Variants in NELL1 observed in about 807,000 individuals in gnomAD.
NELL1 encodes the protein neural EGFL like 1, also known as protein kinase C-binding protein NELL1.
A neutral mutation model predicts 107.4 loss-of-function variants in NELL1; 76 were observed. The ratio of observed to expected loss-of-function variants is 0.71; its 90% CI spans 0.59 to 0.86. The LOEUF (loss-of-function observed/expected upper bound fraction) is 0.86. NELL1 is among the 40% of genes least tolerant of loss of function. NELL1 has a pLI of 0.00. For synonymous variants in NELL1, 353 were observed against 341.2 expected, an observed-to-expected ratio of 1.03 and a Z score of -0.38; for missense variants, 1,024 against 1,005.5, an observed-to-expected ratio of 1.02 and a Z score of -0.25.
intron 15 of NELL1, among the ~76,000 whole-genome samples, chr11:21,450,753 C>T (rs1255834138): frequency 1.3e-5 from 2 of 151,890 alleles, no homozygotes; most frequent in African/African-American, 2.4e-5. Context: ...CTCACTTCTA[C>T]CTCTATTATT....
At chr11:21,270,113 AAAG>A (rs1243182984) in intron 14 of NELL1, among the ~76,000 whole-genome samples, 1 of 152,118 alleles carries the variant, frequency 6.6e-6, no homozygotes, top group African/African-American at 2.4e-5. Flanking sequence ...AAAACCTCAA[AAAG>A]AAGACAAAGA....
At chr11:21,128,353 T>C (rs571381715) in intron 13 of NELL1, among the ~76,000 whole-genome samples, 1 of 152,208 alleles carries the variant, frequency 6.6e-6, no homozygotes, top group African/African-American at 2.4e-5. Context: ...TGAATTAGCA[T>C]TTTTCCCCCC....
In NELL1 at chr11:20,705,977, C is replaced by T. The variant is rs985417643; in HGVS notation, c.184+27917C>T. Among the ~76,000 whole-genome samples the T allele has an allele frequency of 2.6e-5, 4 of 152,168 alleles. No homozygotes were observed. The East Asian group carries it at 5.8e-4, about 22-fold the overall frequency. ...AAAACCACAATGAGATACCGTCTCA[C>T]ACCAGTTAGAATGGCGATTATTAAA... On this transcript the variant is annotated intron_variant, in intron 2 of 19. Transcript: ENST00000357134.
chr11:20,966,416 C>G (rs1397432757), intron 12 of NELL1, among the ~76,000 whole-genome samples: 1 of 152,122 alleles, frequency 6.6e-6, no homozygotes, highest in African/African-American at 2.4e-5. Flanking sequence ...GACAAACATT[C>G]AAACCATAGT....
intron 15 of NELL1, among the ~76,000 whole-genome samples, chr11:21,487,477 A>AAAAAC (rs112629038): frequency 6.6e-6 from 1 of 151,900 alleles, no homozygotes; most frequent in African/African-American, 2.4e-5. Flanking sequence ...GGAAGCAAAA[A>AAAAAC]AACATTTACC....
At chr11:21,534,817 C>T (rs1170065318) in intron 16 of NELL1, among the ~76,000 whole-genome samples, 1 of 151,948 alleles carries the variant, frequency 6.6e-6, no homozygotes, top group Non-Finnish European at 1.5e-5. Context: ...TGATGACTTG[C>T]TGAAATTTTT....
rs1365478537 is a variant in NELL1, at chr11:21,484,027, A to G, written c.1646-50347A>G. 1.2e-4 allele frequency among the ~76,000 whole-genome samples: 15 copies of G among 123,088 alleles called. No individual in the cohort carries two copies. The East Asian group carries it at 4.1e-3, about 34-fold the overall frequency. The allele number at this position is 123,088 out of a possible 152,430, so 80.8% of individuals were successfully genotyped here. A position where few individuals can be genotyped will look rare whatever the true frequency, so the allele number is the denominator to read the frequency against. ...TATATATATATATATATATATATAT[A>G]TATATGTCAAATGTGACCTCATTAT... On this transcript the variant is annotated intron_variant, in intron 15 of 19. Transcript: ENST00000357134.
At chr11:20,869,857 A>G (rs1220521164) in intron 4 of NELL1, among the ~76,000 whole-genome samples, 2 of 152,212 alleles carry the variant, frequency 1.3e-5, no homozygotes, top group East Asian at 3.8e-4. Flanking sequence ...ATCTTCCTGC[A>G]TACTTTTGTG....
rs191691980 is a variant in NELL1 at position 21,490,988 on chromosome 11, A to G, written c.1646-43386A>G. On this transcript the variant is annotated intron_variant, in intron 15 of 19. Transcript: ENST00000357134. ...CTGAAAAGCTTCTATACAGCAAAAG[A>G]AACAATCAACAGAGTGAAAGACAAT... Among the ~76,000 whole-genome samples the G allele has an allele frequency of 1.1e-3, 171 of 152,288 alleles. 3 individuals are homozygous for G. The highest frequency in any genetic ancestry group is 4.0e-3 in the African/African-American group (167 of 41,572).
intron 2 of NELL1, among the ~76,000 whole-genome samples, chr11:20,738,928 G>A (rs1190596046): frequency 6.6e-6 from 1 of 152,212 alleles, no homozygotes; most frequent in Non-Finnish European, 1.5e-5. Context: ...GCAAGTCATT[G>A]AGGTGTTAGA....
chr11:21,377,986 A>G (rs993793028), intron 15 of NELL1, among the ~76,000 whole-genome samples: 1 of 152,026 alleles, frequency 6.6e-6, no homozygotes, highest in Non-Finnish European at 1.5e-5. Context: ...GATGTTTAAC[A>G]TCATCCCTGG....
chr11:21,403,605 T>TC (rs1467838478), intron 15 of NELL1, among the ~76,000 whole-genome samples: 6 of 68,152 alleles, frequency 8.8e-5, no homozygotes, highest in African/African-American at 3.3e-4. Flanking sequence ...CTGTAGCTCT[T>TC]CAAAAAAAAA....
chr11:20,841,164 G>A (rs1038856177), intron 3 of NELL1, among the ~76,000 whole-genome samples: 1 of 152,110 alleles, frequency 6.6e-6, no homozygotes, highest in Admixed American at 6.6e-5. Flanking sequence ...TCTGCTCCAT[G>A]AAGTCATTTA....
At chr11:21,395,044 T>C (rs1340459031) in intron 15 of NELL1, among the ~76,000 whole-genome samples, 2 of 151,512 alleles carry the variant, frequency 1.3e-5, no homozygotes, top group African/African-American at 4.8e-5. Flanking sequence ...TTTGAGAGAC[T>C]GAAAGTAAAT....
At chr11:21,353,583 A>C (rs948931428) in intron 14 of NELL1, among the ~76,000 whole-genome samples, 3 of 152,172 alleles carry the variant, frequency 2.0e-5, no homozygotes, top group South Asian at 4.1e-4. Flanking sequence ...GATATAGCTA[A>C]ACATCTAGAA....
At position 21,312,777 on chromosome 11, in the gene NELL1, T is replaced by TA. The variant is rs566000753; in HGVS notation, c.1550-58070dup. On this transcript the variant is annotated intron_variant, in intron 14 of 19. Transcript: ENST00000357134. ...GATAAGTGAAATAGACAGGAATGGA[T>TA]AAAAAACATTTTATAGTTTATTAAA... Among the ~76,000 whole-genome samples, 237 of 152,254 alleles carry TA rather than the reference T, an allele frequency of 1.6e-3. 1 individual carries two copies. Among genetic ancestry groups the TA allele is most frequent in the Non-Finnish European group, 2.4e-3 (162 of 68,008 alleles).
intron 17 of NELL1, among the ~76,000 whole-genome samples, chr11:21,562,083 T>A (rs1324450653): frequency 6.6e-6 from 1 of 152,068 alleles, no homozygotes; most frequent in Non-Finnish European, 1.5e-5. Context: ...GTCCCTGGAA[T>A]AGGCAAAGGA....
intron 14 of NELL1, among the ~76,000 whole-genome samples, chr11:21,305,558 C>T (rs2133632942): frequency 6.6e-6 from 1 of 151,726 alleles, no homozygotes; most frequent in Middle Eastern, 3.4e-3. Context: ...AATAGCAAGT[C>T]AAAAGACTGA....
intron 2 of NELL1, among the ~76,000 whole-genome samples, chr11:20,780,154 T>G (rs998678650): frequency 6.6e-6 from 1 of 152,174 alleles, no homozygotes; most frequent in African/African-American, 2.4e-5. Context: ...TGCCAATCAT[T>G]TTTAAAAAGA....
Sources: allele counts gnomAD v4.1 joint callset (sites outside exome capture counted in the v4.1 genomes callset), GRCh38; gene constraint gnomAD v4.1.1; transcripts MANE v1.5; gene names NCBI Gene and HGNC (gene_info 2026-07-23, HGNC 2026-07-21).